NCAM2: variants seen among roughly 807,000 people sequenced by gnomAD.
The protein encoded by NCAM2 is N-CAM-2.
Under a neutral mutation model 98.1 loss-of-function variants are expected in NCAM2, and 30 were observed. The observed-to-expected ratio is 0.31, with a 90% confidence interval of 0.23 to 0.41. The LOEUF (loss-of-function observed/expected upper bound fraction) is 0.41. Among genes scored for constraint, NCAM2 ranks in the 10% least tolerant of loss-of-function variants. NCAM2 has a pLI of 1.00. For synonymous variants in NCAM2, 368 were observed against 342.4 expected (o/e 1.07, Z -0.83); for missense variants, 867 against 1,005.8 (o/e 0.86, Z 1.87).
intron 1 of NCAM2, among the ~76,000 whole-genome samples, chr21:21,236,622 T>C (rs185270880): frequency 7.9e-5 from 12 of 152,266 alleles, no homozygotes; most frequent in Admixed American, 6.5e-4. Context: ...TCTCCAAATA[T>C]CCATTCGTAA....
intron 1 of NCAM2, among the ~76,000 whole-genome samples, chr21:21,091,354 T>C (rs562254912): frequency 6.6e-6 from 1 of 152,310 alleles, no homozygotes; most frequent in South Asian, 2.1e-4. Flanking sequence ...CTTGGAAATT[T>C]TTCATCCCTA....
intron 8 of NCAM2, among the ~76,000 whole-genome samples, chr21:21,370,636 T>G (rs2075894470): frequency 2.6e-5 from 4 of 151,860 alleles, no homozygotes; most frequent in African/African-American, 7.2e-5. Context: ...TCATAGTTGC[T>G]ACTCAGGTGG....
intron 1 of NCAM2, among the ~76,000 whole-genome samples, chr21:21,274,343 A>G (rs2072641188): frequency 6.6e-6 from 1 of 152,166 alleles, no homozygotes. Flanking sequence ...TTTTCTTGTT[A>G]CAATTAGAAG....
At chr21:21,091,914 A>G (rs2066020679) in intron 1 of NCAM2, among the ~76,000 whole-genome samples, 1 of 152,144 alleles carries the variant, frequency 6.6e-6, no homozygotes, top group Admixed American at 6.6e-5. Flanking sequence ...CTTGAAAGCT[A>G]ATATTCATTT....
At chr21:21,238,209 G>T (rs755166428) in intron 1 of NCAM2, among the ~76,000 whole-genome samples, 2 of 151,702 alleles carry the variant, frequency 1.3e-5, no homozygotes, top group African/African-American at 4.8e-5. Context: ...CGCCCATCTC[G>T]GCCTCCCAGA....
intron 8 of NCAM2, among the ~76,000 whole-genome samples, chr21:21,357,904 C>G (rs959224275): frequency 1.3e-5 from 2 of 152,014 alleles, no homozygotes; most frequent in Non-Finnish European, 2.9e-5. Context: ...ATTGAAGGAA[C>G]AATAATATGT....
chr21:21,096,847 C>A (rs2146470412), intron 1 of NCAM2, among the ~76,000 whole-genome samples: 1 of 151,680 alleles, frequency 6.6e-6, no homozygotes, highest in Admixed American at 6.6e-5. Context: ...GTTACTTCAT[C>A]TGGAATGTCT....
chr21:21,133,895 AC>A (rs1381816590), intron 1 of NCAM2, among the ~76,000 whole-genome samples: 1 of 152,180 alleles, frequency 6.6e-6, no homozygotes, highest in East Asian at 1.9e-4. Context: ...TTGAGATCTC[AC>A]TGGTACATAT....
At chr21:21,321,908 A>AT (rs1415941359) in intron 5 of NCAM2, among the ~76,000 whole-genome samples, 1 of 152,156 alleles carries the variant, frequency 6.6e-6, no homozygotes, top group African/African-American at 2.4e-5. Flanking sequence ...TAATTTTGAG[A>AT]TTTTGCAAAG....
Position 21,466,041 on chromosome 21 carries a change from G to A in NCAM2, c.1655-565G>A, listed in dbSNP as rs924694493. Among the ~76,000 whole-genome samples the A allele has an allele frequency of 2.6e-5, 4 of 152,116 alleles. No individual in the cohort carries two copies. The East Asian group carries it at 7.7e-4, about 29-fold the overall frequency. ...GAGTATGTAAATGAGAAGAAACTCAGAGTGAAAATACAAGTTATGAGTAGG... is the reference window on the plus strand; with the variant it reads ...GAGTATGTAAATGAGAAGAAACTCAAAGTGAAAATACAAGTTATGAGTAGG... On this transcript the variant is annotated intron_variant, in intron 12 of 17. Coordinates refer to ENST00000400546, the MANE Select transcript of NCAM2 (RefSeq NM_004540.5).
chr21:21,472,332 A>G (rs1367059843), intron 14 of NCAM2, among the ~76,000 whole-genome samples: 1 of 152,080 alleles, frequency 6.6e-6, no homozygotes, highest in Non-Finnish European at 1.5e-5. Context: ...AGGATAAGAA[A>G]GGTAAGTTTG....
At chr21:21,518,257 G>T (rs912577382) in intron 16 of NCAM2, among the ~76,000 whole-genome samples, 1 of 151,988 alleles carries the variant, frequency 6.6e-6, no homozygotes, top group Non-Finnish European at 1.5e-5. Flanking sequence ...TTCTGTAAGG[G>T]ATATTTTTAC....
intron 15 of NCAM2, among the ~76,000 whole-genome samples, chr21:21,491,563 G>A (rs1986847437): frequency 6.6e-6 from 1 of 151,620 alleles, no homozygotes; most frequent in South Asian, 2.1e-4. Flanking sequence ...AGCTTTTATA[G>A]TGTAAAAATA....
intron 16 of NCAM2, among the ~76,000 whole-genome samples, chr21:21,522,759 G>C (rs9984080): frequency 6.6e-6 from 1 of 151,026 alleles, no homozygotes; most frequent in Admixed American, 6.6e-5. Flanking sequence ...AGACTCCTGA[G>C]TAACTGGGAT....
intron 12 of NCAM2, among the ~76,000 whole-genome samples, chr21:21,456,301 G>A (rs1019290536): frequency 6.6e-6 from 1 of 151,976 alleles, no homozygotes; most frequent in African/African-American, 2.4e-5. Context: ...ACTACAAAAG[G>A]CCTAAGAATA....
At chr21:21,310,612 A>G (rs1265752598) in intron 5 of NCAM2, among the ~76,000 whole-genome samples, 1 of 152,208 alleles carries the variant, frequency 6.6e-6, no homozygotes, top group Non-Finnish European at 1.5e-5. Context: ...ATCTGATTGT[A>G]ACTGTTACAA....
intron 1 of NCAM2, among the ~76,000 whole-genome samples, chr21:21,098,592 A>G (rs933746691): frequency 1.3e-5 from 2 of 151,784 alleles, no homozygotes; most frequent in Non-Finnish European, 2.9e-5. Flanking sequence ...TTAGGGAGGT[A>G]TTATCCCCAT....
chr21:21,023,434 G>C (rs1208787799), intron 1 of NCAM2, among the ~76,000 whole-genome samples: 1 of 151,760 alleles, frequency 6.6e-6, no homozygotes, highest in Non-Finnish European at 1.5e-5. Context: ...TGAGGCGGGA[G>C]AATCACTTGA....
At chr21:21,383,569 C>T (rs1055035857) in intron 9 of NCAM2, among the ~76,000 whole-genome samples, 2 of 152,000 alleles carry the variant, frequency 1.3e-5, no homozygotes, top group African/African-American at 4.8e-5. Flanking sequence ...TGATTTTTTT[C>T]CTCTTGAGAA....
Sources: allele counts gnomAD v4.1 joint callset (sites outside exome capture counted in the v4.1 genomes callset), GRCh38; gene constraint gnomAD v4.1.1; transcripts MANE v1.5; gene names NCBI Gene and HGNC (gene_info 2026-07-23, HGNC 2026-07-21).